The following SLC2A5 variants were observed in gnomAD, a reference collection of about 807,000 sequenced individuals.
SLC2A5 encodes solute carrier family 2, facilitated glucose transporter member 5.
SLC2A5 carries 56 observed loss-of-function variants against 50.3 expected under a neutral mutation model. That is an observed-to-expected ratio of 1.11 (90% CI 0.90 to 1.39). SLC2A5 has a LOEUF of 1.39. Among genes scored for constraint, SLC2A5 ranks in the 40% most tolerant of loss-of-function variants. The pLI is 0.00. For synonymous variants in SLC2A5, 269 were observed against 281.9 expected (o/e 0.95, Z 0.46); for missense variants, 566 against 650.1 (o/e 0.87, Z 1.41).
chr1:9,038,302 G>T, intron 10 of SLC2A5, 129 bp downstream of exon 10: 1 of 745,260 alleles, frequency 1.3e-6, no homozygotes, highest in Non-Finnish European at 2.4e-6. Flanking sequence ...ACCCCCTTGC[G>T]GTGGACGGGG....
At chr1:9,038,574 A>G (rs1641201905) in intron 9 of SLC2A5, 68 bp from the exon 10 acceptor site, 1 of 1,408,556 alleles carries the variant, frequency 7.1e-7, no homozygotes, top group Non-Finnish European at 1.0e-6. Context: ...GGGGCGGCCA[A>G]CCTGCCCTGG....
chr1:9,084,416 T>C (rs772733602), intron 2 of SLC2A5, among the ~76,000 whole-genome samples: 18 of 152,346 alleles, frequency 1.2e-4, no homozygotes, highest in South Asian at 6.2e-4. Context: ...CTCTGTACTT[T>C]CACTATTTTC....
intron 2 of SLC2A5, among the ~76,000 whole-genome samples, chr1:9,082,544 T>C (rs1642365838): frequency 1.3e-5 from 2 of 151,742 alleles, no homozygotes; most frequent in Non-Finnish European, 2.9e-5. Flanking sequence ...GGAGACCCTG[T>C]CTCTAAAAAA....
chr1:9,046,532 TA>T (rs1156395124), intron 4 of SLC2A5, among the ~76,000 whole-genome samples: 1 of 152,164 alleles, frequency 6.6e-6, no homozygotes, highest in Non-Finnish European at 1.5e-5. Flanking sequence ...AATTGCCCTA[TA>T]AAACTTAAAA....
At chr1:9,039,768 C>A (rs1209269014) in intron 7 of SLC2A5, 32 bp downstream of exon 7, 2 of 1,479,364 alleles carry the variant, frequency 1.4e-6, no homozygotes, top group Admixed American at 2.3e-5. Flanking sequence ...CCCGAGCCCT[C>A]CCCAGCTCCC....
chr1:9,044,183 T>C (rs976056056), intron 4 of SLC2A5, among the ~76,000 whole-genome samples: 1 of 151,624 alleles, frequency 6.6e-6, no homozygotes, highest in Non-Finnish European at 1.5e-5. Context: ...ACAAAAAAAT[T>C]AGCTGGGCAC....
At chr1:9,039,531 G>A (rs1343095443) in intron 8 of SLC2A5, 21 bp downstream of exon 8, 5 of 1,529,512 alleles carry the variant, frequency 3.3e-6, no homozygotes, top group African/African-American at 1.4e-5. Flanking sequence ...GGAGGCTGTG[G>A]GCAGCTCCCA....
intron 3 of SLC2A5, among the ~76,000 whole-genome samples, chr1:9,053,180 TTTATATA>T (rs1254672492): frequency 3.4e-4 from 31 of 92,028 alleles, no homozygotes; most frequent in Non-Finnish European, 5.2e-4. Context: ...ATTTTATATA[TTTATATA>T]TTATATATTT....
chr1:9,090,250 A>G (rs909391651), upstream of SLC2A5, among the ~76,000 whole-genome samples: 2 of 152,148 alleles, frequency 1.3e-5, no homozygotes, highest in African/African-American at 4.8e-5. Context: ...TTCAACATCA[A>G]ACAGACTTAA....
upstream of SLC2A5, among the ~76,000 whole-genome samples, chr1:9,090,029 G>A (rs571371972): frequency 1.3e-5 from 2 of 152,224 alleles, no homozygotes; most frequent in Admixed American, 6.5e-5. Flanking sequence ...CGTTTCTGTT[G>A]GCGTGAGGGG....
chr1:9,057,063 G>T (rs906090799), intron 3 of SLC2A5, among the ~76,000 whole-genome samples: 3 of 152,146 alleles, frequency 2.0e-5, no homozygotes, highest in Admixed American at 2.0e-4. Flanking sequence ...GGGCTGAGGC[G>T]GGTGGGTCAC....
chr1:9,068,010 T>G (rs1379255867), intron 1 of SLC2A5, among the ~76,000 whole-genome samples: 1 of 151,630 alleles, frequency 6.6e-6, no homozygotes, highest in Non-Finnish European at 1.5e-5. Flanking sequence ...GCCAACATGG[T>G]GAAACCCCAT....
rs748731392 is a variant in SLC2A5 at position 9,038,398 on chromosome 1, T to G, written c.1174+33A>C. The G allele has an allele frequency of 2.2e-5, 33 of 1,534,756 alleles. 2 individuals are homozygous for G. In the South Asian group the frequency reaches 3.7e-4, roughly 17 times the overall value. On this transcript the variant is annotated intron_variant, in intron 10 of 11. Coordinates refer to ENST00000377424, the MANE Select transcript of SLC2A5 (RefSeq NM_003039.3). ...CGGAGCTTCTGGGACCAGGGGGGGT[T>G]GTGACACCCTGAGGCCAGCTTTGGG...
chr1:9,061,196 C>T (rs559600760), intron 1 of SLC2A5, among the ~76,000 whole-genome samples: 2 of 149,830 alleles, frequency 1.3e-5, no homozygotes, highest in East Asian at 4.0e-4. Flanking sequence ...GTGGAAGGAT[C>T]ACTTGAGCAC....
chr1:9,041,744 G>C (rs373441558), intron 5 of SLC2A5, 41 bp downstream of exon 5: 1 of 1,613,890 alleles, frequency 6.2e-7, no homozygotes, highest in Non-Finnish European at 8.5e-7. Context: ...CAAGGGTAGT[G>C]GTGAAGGGGT....
chr1:9,060,670 A>C (rs67481793), intron 1 of SLC2A5, among the ~76,000 whole-genome samples: 23,557 of 103,794 alleles, frequency 0.23, 2,992 homozygotes, highest in East Asian at 0.51. Flanking sequence ...CACACACCCC[A>C]CACACACACC....
chr1:9,070,836 C>CTGTGTG (rs111643348), upstream of SLC2A5, among the ~76,000 whole-genome samples: 1 of 149,960 alleles, frequency 6.7e-6, no homozygotes, highest in African/African-American at 2.5e-5. Context: ...GCGTGGCCGT[C>CTGTGTG]TGTGTGTGTG....
chr1:9,077,881 G>A (rs959343307), intron 2 of SLC2A5, among the ~76,000 whole-genome samples: 3 of 151,940 alleles, frequency 2.0e-5, no homozygotes, highest in African/African-American at 4.8e-5. Context: ...CTTGGACTTT[G>A]TGTGAGAAAG....
At chr1:9,039,694 C>T in intron 7 of SLC2A5, 32 bp from the exon 8 acceptor site, 3 of 1,476,586 alleles carry the variant, frequency 2.0e-6, no homozygotes, top group Non-Finnish European at 2.7e-6. Flanking sequence ...GGGCGGCTGC[C>T]CGGAGGAGGC....
Sources: allele counts gnomAD v4.1 joint callset (sites outside exome capture counted in the v4.1 genomes callset), GRCh38; gene constraint gnomAD v4.1.1; transcripts MANE v1.5; gene names NCBI Gene and HGNC (gene_info 2026-07-23, HGNC 2026-07-21).